The following LPP variants were observed in gnomAD, a reference collection of about 807,000 sequenced individuals.
The protein encoded by LPP is LIM domain containing preferred translocation partner in lipoma.
In LPP, 38 loss-of-function variants were observed where a neutral mutation model predicts 60.4. The ratio of observed to expected loss-of-function variants is 0.63; its 90% CI spans 0.49 to 0.83. The LOEUF (loss-of-function observed/expected upper bound fraction) is 0.83, where lower values mean the gene tolerates loss of function less well. LPP is among the 40% of genes least tolerant of loss of function. The pLI is 0.00. For synonymous variants in LPP, 328 were observed against 290.8 expected, an observed-to-expected ratio of 1.13 and a Z score of -1.30; for missense variants, 902 against 783.6, an observed-to-expected ratio of 1.15 and a Z score of -1.80.
intron 9 of LPP, among the ~76,000 whole-genome samples, chr3:188,780,229 A>G (rs182462719): frequency 6.6e-6 from 1 of 152,332 alleles, no homozygotes; most frequent in Admixed American, 6.5e-5. Context: ...AGTTAATCAG[A>G]TTAAAGGACT....
chr3:188,240,610 C>A (rs560370362), intron 2 of LPP, among the ~76,000 whole-genome samples: 1 of 152,220 alleles, frequency 6.6e-6, no homozygotes, highest in African/African-American at 2.4e-5. Flanking sequence ...ATTAGACCAG[C>A]AACATATTTG....
In LPP at chr3:188,888,314, T is replaced by TA. The variant is rs1770907998; in HGVS notation, c.*13836dup. 1.3e-5 allele frequency: 3 copies of TA among 227,522 alleles called. No homozygotes were observed. The East Asian group carries it at 1.9e-4, about 14-fold the overall frequency. The allele number at this position is 227,522 out of a possible 1,614,324, so 14.1% of individuals were successfully genotyped here. On this transcript the variant is annotated 3_prime_UTR_variant, in exon 12 of 12. Transcript: ENST00000617246. ...CCATGAAGTAGATGTGGCGTGAAGATACAGAGCCTGAGGATAGTAATTTTC... is the reference window on the plus strand; with the variant it reads ...CCATGAAGTAGATGTGGCGTGAAGATAACAGAGCCTGAGGATAGTAATTTTC...
rs73890526 is a variant in LPP at position 188,495,580 on chromosome 3, G to C, written c.306+10876G>C. On this transcript the variant is annotated intron_variant, in intron 5 of 11. Transcript: ENST00000617246. Reference sequence around the variant, plus strand: ...GCAGCCATTGTCGTCAATAATATATGTTGATGTTTAGTAACCATGAACCTC... The same window carrying C: ...GCAGCCATTGTCGTCAATAATATATCTTGATGTTTAGTAACCATGAACCTC... Among the ~76,000 whole-genome samples, 457 of 152,220 alleles carry C rather than the reference G, an allele frequency of 3.0e-3. 6 individuals are homozygous for C. The highest frequency in any genetic ancestry group is 0.01 in the African/African-American group (433 of 41,548).
At chr3:188,541,227 G>A (rs115832338) in intron 6 of LPP, among the ~76,000 whole-genome samples, 218 of 152,268 alleles carry the variant, frequency 1.4e-3, no homozygotes, top group African/African-American at 5.1e-3. Flanking sequence ...TGACCTGGAG[G>A]GCTTGTTAAA....
At chr3:188,721,897 G>A (rs1014059573) in intron 8 of LPP, among the ~76,000 whole-genome samples, 2 of 152,016 alleles carry the variant, frequency 1.3e-5, no homozygotes, top group African/African-American at 2.4e-5. Flanking sequence ...CTCATATCAC[G>A]AGATTAGAAC....
At chr3:188,240,180 A>T (rs539899244) in intron 2 of LPP, 1 of 182,940 alleles carries the variant, frequency 5.5e-6, no homozygotes, top group East Asian at 8.9e-5. Flanking sequence ...TTATGTGTAA[A>T]TGATATCTGT....
intron 1 of LPP, among the ~76,000 whole-genome samples, chr3:188,158,895 G>C (rs1560068977): frequency 1.3e-5 from 2 of 152,196 alleles, no homozygotes; most frequent in Non-Finnish European, 2.9e-5. Flanking sequence ...GGGCCCTAGT[G>C]GGGTCACAAT....
chr3:188,560,678 C>G (rs1426777547), intron 6 of LPP, among the ~76,000 whole-genome samples: 1 of 152,020 alleles, frequency 6.6e-6, no homozygotes, highest in Non-Finnish European at 1.5e-5. Flanking sequence ...CTATCTTTTT[C>G]TATGTTTTCT....
At chr3:188,608,164 T>C (rs1842895433) in intron 6 of LPP, among the ~76,000 whole-genome samples, 1 of 152,208 alleles carries the variant, frequency 6.6e-6, no homozygotes, top group African/African-American at 2.4e-5. Flanking sequence ...CACCCCTGTG[T>C]GTCTGCCTTC....
At chr3:188,629,016 C>T (rs1389765564) in intron 7 of LPP, among the ~76,000 whole-genome samples, 1 of 152,174 alleles carries the variant, frequency 6.6e-6, no homozygotes, top group East Asian at 1.9e-4. Context: ...ACATGGTCAT[C>T]TCAACAGATG....
At chr3:188,514,929 T>C (rs1816896516) in intron 5 of LPP, among the ~76,000 whole-genome samples, 1 of 152,124 alleles carries the variant, frequency 6.6e-6, no homozygotes, top group Admixed American at 6.5e-5. Context: ...CAACAAAGAA[T>C]GGGGGCAGGA....
At chr3:188,545,226 C>A in intron 6 of LPP, among the ~76,000 whole-genome samples, 4 of 128,938 alleles carry the variant, frequency 3.1e-5, no homozygotes, top group Admixed American at 8.0e-5. Context: ...GCACAATGTG[C>A]ACATGTACCC....
intron 7 of LPP, among the ~76,000 whole-genome samples, chr3:188,658,137 G>GTTTAGTTTAGTTTAGTTTAGTTTAGT (rs375100095): frequency 0.24 from 35,164 of 145,954 alleles, 5,013 homozygotes; most frequent in South Asian, 0.27. Flanking sequence ...TTTAGTTTAG[G>GTTTAGTTTAGTTTAGTTTAGTTTAGT]TTAGTTTAGT....
At chr3:188,294,902 G>A (rs1164535363) in intron 2 of LPP, among the ~76,000 whole-genome samples, 1 of 152,256 alleles carries the variant, frequency 6.6e-6, no homozygotes, top group Admixed American at 6.5e-5. Context: ...GTCCTGGCCA[G>A]TGTCTGACTG....
intron 4 of LPP, among the ~76,000 whole-genome samples, chr3:188,454,732 G>A (rs970094371): frequency 2.0e-5 from 3 of 152,098 alleles, no homozygotes; most frequent in East Asian, 1.9e-4. Context: ...AAGCAAAAGC[G>A]GGAACCCCTG....
At chr3:188,165,196 A>G (rs1174332258) in intron 1 of LPP, among the ~76,000 whole-genome samples, 3 of 151,954 alleles carry the variant, frequency 2.0e-5, no homozygotes, top group Admixed American at 1.3e-4. Context: ...GGATCCCTTG[A>G]GCTCCAGAAT....
At chr3:188,171,304 A>G (rs1404429761) in intron 1 of LPP, among the ~76,000 whole-genome samples, 1 of 152,222 alleles carries the variant, frequency 6.6e-6, no homozygotes, top group African/African-American at 2.4e-5. Context: ...TAGGCATTCC[A>G]TGAATATTGG....
chr3:188,495,082 A>ATATATATATTTTT (rs1342207321), intron 5 of LPP, among the ~76,000 whole-genome samples: 2 of 97,270 alleles, frequency 2.1e-5, no homozygotes, highest in African/African-American at 8.0e-5. Flanking sequence ...ATATATATAT[A>ATATATATATTTTT]TTTTATTTAT....
chr3:188,657,034 C>G (rs945273851), intron 7 of LPP, among the ~76,000 whole-genome samples: 1 of 151,914 alleles, frequency 6.6e-6, no homozygotes, highest in African/African-American at 2.4e-5. Context: ...ATATTTGATC[C>G]CTACTTTCTC....
Sources: allele counts gnomAD v4.1 joint callset (sites outside exome capture counted in the v4.1 genomes callset), GRCh38; gene constraint gnomAD v4.1.1; transcripts MANE v1.5; gene names NCBI Gene and HGNC (gene_info 2026-07-23, HGNC 2026-07-21).